CFAP161: variants seen among roughly 807,000 people sequenced by gnomAD.
CFAP161 encodes the protein cilia and flagella associated protein 161.
CFAP161 carries 25 observed loss-of-function variants against 29.0 expected under a neutral mutation model. The observed-to-expected ratio is 0.86, with a 90% CI of 0.63 to 1.20. CFAP161 has a LOEUF of 1.20. Ranked by LOEUF, CFAP161 falls within the 50% of genes most tolerant of loss-of-function variation. CFAP161 has a pLI of 0.00. For missense variants in CFAP161, 367 were observed against 371.9 expected (o/e 0.99, Z 0.11); for synonymous variants, 116 against 137.4 (o/e 0.84, Z 1.09).
intron 1 of CFAP161, among the ~76,000 whole-genome samples, chr15:81,121,134 T>C (rs1007814050): frequency 6.6e-5 from 10 of 152,316 alleles, no homozygotes; most frequent in Non-Finnish European, 1.0e-4. Context: ...ATTCCTTCTA[T>C]AAATTATTTT....
chr15:81,112,458 G>A (rs1021251390), intron 1 of CFAP161, among the ~76,000 whole-genome samples: 1 of 152,144 alleles, frequency 6.6e-6, no homozygotes, highest in African/African-American at 2.4e-5. Context: ...ACAATACATA[G>A]AGCATGTTAT....
chr15:81,135,204 G>T, intron 1 of CFAP161, 66 bp from the exon 2 acceptor site: 2 of 1,146,002 alleles, frequency 1.7e-6, no homozygotes, highest in Non-Finnish European at 2.5e-6. Flanking sequence ...AAGAGCTTCT[G>T]ACCTAAAAGT....
intron 5 of CFAP161, among the ~76,000 whole-genome samples, chr15:81,144,648 G>A (rs28485692): frequency 0.054 from 8,176 of 152,034 alleles, 316 homozygotes; most frequent in East Asian, 0.17. Flanking sequence ...TTAGCCAGGT[G>A]TGGTGGTGAG....
chr15:81,124,525 A>G (rs1336763940), intron 1 of CFAP161, among the ~76,000 whole-genome samples: 1 of 152,172 alleles, frequency 6.6e-6, no homozygotes, highest in Non-Finnish European at 1.5e-5. Flanking sequence ...TGCTGGCCTC[A>G]TAGAATGAGT....
intron 1 of CFAP161, among the ~76,000 whole-genome samples, chr15:81,121,645 A>G (rs1894574747): frequency 6.6e-6 from 1 of 152,196 alleles, no homozygotes; most frequent in South Asian, 2.1e-4. Flanking sequence ...TGTCTGTTAC[A>G]TATCAGTATT....
chr15:81,114,495 G>A (rs1044727888), intron 1 of CFAP161, among the ~76,000 whole-genome samples: 1 of 152,100 alleles, frequency 6.6e-6, no homozygotes, highest in Non-Finnish European at 1.5e-5. Flanking sequence ...ACACAACAAA[G>A]AAGTTTGCCA....
chr15:81,143,880 C>A, intron 5 of CFAP161, 60 bp downstream of exon 5: 2 of 1,545,930 alleles, frequency 1.3e-6, no homozygotes, highest in Non-Finnish European at 1.8e-6. Context: ...CAATTTATTC[C>A]TGTCTATAAC....
At chr15:81,124,138 C>A (rs867068971) in intron 1 of CFAP161, among the ~76,000 whole-genome samples, 2 of 152,158 alleles carry the variant, frequency 1.3e-5, no homozygotes, top group Non-Finnish European at 2.9e-5. Flanking sequence ...GGAAGGCTTC[C>A]AGTATTCCCC....
chr15:81,120,760 A>G (rs897829437), intron 1 of CFAP161, among the ~76,000 whole-genome samples: 1 of 152,218 alleles, frequency 6.6e-6, no homozygotes, highest in Non-Finnish European at 1.5e-5. Flanking sequence ...CAAAAGTTGA[A>G]CTTATATAAA....
intron 1 of CFAP161, among the ~76,000 whole-genome samples, chr15:81,123,416 T>G (rs1894601173): frequency 1.3e-5 from 2 of 152,220 alleles, no homozygotes; most frequent in South Asian, 4.1e-4. Flanking sequence ...TTTGTACCAG[T>G]ATCATGCTGC....
At chr15:81,134,260 T>G (rs1595916439), upstream of CFAP161, 2 of 1,531,096 alleles carry the variant, frequency 1.3e-6, no homozygotes, top group Non-Finnish European at 1.8e-6. Flanking sequence ...TGGGGCCGGG[T>G]CGTCATGGCG....
intron 1 of CFAP161, among the ~76,000 whole-genome samples, chr15:81,101,845 GC>G (rs1432880752): frequency 6.6e-6 from 1 of 152,038 alleles, no homozygotes; most frequent in East Asian, 1.9e-4. Flanking sequence ...CTGTTTGATT[GC>G]AATGACATCC....
intron 3 of CFAP161, among the ~76,000 whole-genome samples, chr15:81,137,545 A>C (rs1378411709): frequency 6.6e-6 from 1 of 152,200 alleles, no homozygotes; most frequent in Non-Finnish European, 1.5e-5. Flanking sequence ...GCAGTGAGCC[A>C]AGATTGCACC....
At chr15:81,130,998 A>G (rs996328202), upstream of CFAP161, among the ~76,000 whole-genome samples, 1 of 152,188 alleles carries the variant, frequency 6.6e-6, no homozygotes, top group South Asian at 2.1e-4. Context: ...TCACCATAAT[A>G]GATATAATAA....
upstream of CFAP161, among the ~76,000 whole-genome samples, chr15:81,132,132 C>G (rs1168395791): frequency 6.6e-6 from 1 of 152,032 alleles, no homozygotes; most frequent in African/African-American, 2.4e-5. Flanking sequence ...CAAAAATTAC[C>G]CAGGCATGGT....
At chr15:81,102,587 G>A (rs543060597) in intron 1 of CFAP161, among the ~76,000 whole-genome samples, 3 of 152,340 alleles carry the variant, frequency 2.0e-5, no homozygotes, top group African/African-American at 7.2e-5. Flanking sequence ...AGGGTTGCTT[G>A]AGTCCAGGAG....
chr15:81,143,029 A>G (rs1894938961), intron 4 of CFAP161, among the ~76,000 whole-genome samples: 1 of 152,180 alleles, frequency 6.6e-6, no homozygotes, highest in African/African-American at 2.4e-5. Flanking sequence ...ATATTAGTCC[A>G]TGGCTGGGCA....
intron 5 of CFAP161, 23 bp downstream of exon 5, chr15:81,143,843 A>G (rs377298419): frequency 1.2e-6 from 2 of 1,605,784 alleles, no homozygotes; most frequent in East Asian, 2.2e-5. Context: ...TCGGGAAGAC[A>G]TGGGTGTCTA....
intron 1 of CFAP161, among the ~76,000 whole-genome samples, chr15:81,110,943 A>C (rs1374700364): frequency 6.6e-6 from 1 of 152,212 alleles, no homozygotes; most frequent in Non-Finnish European, 1.5e-5. Context: ...TGGAGACAAA[A>C]AAGACTAGGA....
Sources: allele counts gnomAD v4.1 joint callset (sites outside exome capture counted in the v4.1 genomes callset), GRCh38; gene constraint gnomAD v4.1.1; transcripts MANE v1.5; gene names NCBI Gene and HGNC (gene_info 2026-07-23, HGNC 2026-07-21).